The following SPMIP2 variants were observed in gnomAD, a reference collection of about 807,000 sequenced individuals.
The protein encoded by SPMIP2 is sperm microtubule inner protein 2.
At chr4:158,920,703 C>T in the SPMIP2 span, among the ~76,000 whole-genome samples, 6 of 152,214 alleles carry the variant, frequency 3.9e-5, no homozygotes, top group East Asian at 1.9e-4. Context: ...ATACATGCAC[C>T]ACTGAACAGA....
At chr4:159,036,805 T>G in the SPMIP2 span, among the ~76,000 whole-genome samples, 2 of 152,224 alleles carry the variant, frequency 1.3e-5, no homozygotes, top group African/African-American at 4.8e-5. Flanking sequence ...TACCTTCCTA[T>G]GGCCTGCTAC....
chr4:159,042,695 C>T, the SPMIP2 span, among the ~76,000 whole-genome samples: 1 of 152,166 alleles, frequency 6.6e-6, no homozygotes, highest in Non-Finnish European at 1.5e-5. Context: ...CAGAGTCTCG[C>T]TCTGTTACCC....
the SPMIP2 span, among the ~76,000 whole-genome samples, chr4:158,973,769 G>A: frequency 6.6e-6 from 1 of 152,082 alleles, no homozygotes; most frequent in Non-Finnish European, 1.5e-5. Context: ...TGGGTGCATC[G>A]CTTGAACTCA....
the SPMIP2 span, among the ~76,000 whole-genome samples, chr4:158,960,931 T>C: frequency 7.2e-6 from 1 of 139,096 alleles, no homozygotes; most frequent in Non-Finnish European, 1.6e-5. Context: ...CTGTTATTAC[T>C]GAATGAATGA....
chr4:158,937,585 T>C, the SPMIP2 span: 1 of 154,368 alleles, frequency 6.5e-6, no homozygotes, highest in Non-Finnish European at 1.5e-5. Context: ...ATCCAACTGT[T>C]TAATCAAGAC....
the SPMIP2 span, among the ~76,000 whole-genome samples, chr4:159,037,137 C>T: frequency 6.6e-6 from 1 of 152,170 alleles, no homozygotes; most frequent in Non-Finnish European, 1.5e-5. Flanking sequence ...AGGGGAAATG[C>T]GGGCTTCTGC....
chr4:158,898,968 T>C, the SPMIP2 span, among the ~76,000 whole-genome samples: 1 of 152,216 alleles, frequency 6.6e-6, no homozygotes, highest in African/African-American at 2.4e-5. Flanking sequence ...AGTATGATAT[T>C]GGCTGTGGGT....
At chr4:159,037,444 CT>C in the SPMIP2 span, among the ~76,000 whole-genome samples, 27,424 of 143,586 alleles carry the variant, frequency 0.19, 2,985 homozygotes, top group African/African-American at 0.33. Flanking sequence ...CTGTTCCTTC[CT>C]TTTTTTTTTT....
chr4:159,039,215 A>G, the SPMIP2 span, among the ~76,000 whole-genome samples: 3 of 152,204 alleles, frequency 2.0e-5, no homozygotes, highest in Admixed American at 6.5e-5. Flanking sequence ...CTGGAATTAC[A>G]GGCGTGAGCC....
chr4:159,025,613 G>T, the SPMIP2 span, among the ~76,000 whole-genome samples: 1 of 151,820 alleles, frequency 6.6e-6, no homozygotes, highest in Non-Finnish European at 1.5e-5. Context: ...GGTGTACTTG[G>T]TTGGCTTATT....
chr4:158,975,169 C>CTG, the SPMIP2 span, among the ~76,000 whole-genome samples: 1 of 151,498 alleles, frequency 6.6e-6, no homozygotes, highest in Admixed American at 6.6e-5. Flanking sequence ...TTTCTTGTGA[C>CTG]TTTAAGTTCC....
the SPMIP2 span, among the ~76,000 whole-genome samples, chr4:158,959,521 T>C: frequency 7.9e-5 from 12 of 152,266 alleles, no homozygotes; most frequent in Admixed American, 7.2e-4. Context: ...TATGTTGGTA[T>C]AGTATAGCCA....
the SPMIP2 span, among the ~76,000 whole-genome samples, chr4:159,011,727 C>T: frequency 6.8e-6 from 1 of 146,552 alleles, no homozygotes. Flanking sequence ...GCACTCCAGC[C>T]CGGGCAACAA....
chr4:159,077,580 A>G, the SPMIP2 span, among the ~76,000 whole-genome samples: 2 of 152,230 alleles, frequency 1.3e-5, no homozygotes, highest in East Asian at 3.8e-4. Flanking sequence ...ATAAGATGGC[A>G]TGCTTTATAA....
the SPMIP2 span, among the ~76,000 whole-genome samples, chr4:159,032,197 G>C: frequency 6.6e-6 from 1 of 152,052 alleles, no homozygotes; most frequent in Non-Finnish European, 1.5e-5. Flanking sequence ...ACTCCAGCCT[G>C]AGCAACAGAG....
the SPMIP2 span, among the ~76,000 whole-genome samples, chr4:158,943,898 C>T: frequency 7.3e-6 from 1 of 137,656 alleles, no homozygotes; most frequent in Admixed American, 7.8e-5. Context: ...GCTCTGTCGC[C>T]AGGCTGGAGT....
At chr4:158,973,881 G>A in the SPMIP2 span, among the ~76,000 whole-genome samples, 1 of 149,372 alleles carries the variant, frequency 6.7e-6, no homozygotes, top group African/African-American at 2.5e-5. Flanking sequence ...AGCTATTTGG[G>A]AGATGGAGGT....
chr4:158,895,188 C>T, the SPMIP2 span, among the ~76,000 whole-genome samples: 1 of 152,064 alleles, frequency 6.6e-6, no homozygotes, highest in Non-Finnish European at 1.5e-5. Context: ...AGTTAAAATA[C>T]ATTCTTGAAA....
At chr4:158,907,470 C>T in the SPMIP2 span, 1 of 151,986 alleles carries the variant, frequency 6.6e-6, no homozygotes, top group Non-Finnish European at 1.5e-5. Context: ...GATACTAAAC[C>T]GTTGTTTGGG....
Sources: gnomAD v4.1 joint callset for allele counts (sites outside exome capture counted in the v4.1 genomes callset) on GRCh38, gnomAD v4.1.1 for gene constraint, MANE v1.5 for transcripts, NCBI Gene and HGNC (gene_info 2026-07-23, HGNC 2026-07-21) for gene names.